DOCK5: variants seen among roughly 807,000 people sequenced by gnomAD.
DOCK5 encodes dedicator of cytokinesis protein 5.
DOCK5 carries 142 observed loss-of-function variants against 251.8 expected under a neutral mutation model. The ratio of observed to expected loss-of-function variants is 0.56; its 90% confidence interval spans 0.49 to 0.65. DOCK5 has a LOEUF of 0.65. Among genes scored for constraint, DOCK5 ranks in the 30% least tolerant of loss-of-function variants. DOCK5 has a pLI of 0.00. For missense variants in DOCK5, 2,111 were observed against 2,312.3 expected (o/e 0.91, Z 1.79); for synonymous variants, 842 against 835.5 (o/e 1.01, Z -0.13).
intron 1 of DOCK5, among the ~76,000 whole-genome samples, chr8:25,213,069 C>T (rs1802142541): frequency 5.1e-5 from 1 of 19,478 alleles, no homozygotes; most frequent in African/African-American, 7.7e-5. Flanking sequence ...GAAAAGCCCC[C>T]GTGACTGGGC....
In DOCK5 at chr8:25,400,903, C is replaced by A. The variant is rs780399970; in HGVS notation, c.4789-26C>A. 3 of 1,613,338 alleles carry A rather than the reference C, an allele frequency of 1.9e-6. No individual in the cohort carries two copies. The African/African-American group carries it at 4.0e-5, about 22-fold the overall frequency. ...CGATCCCTCTTCCTGAAGCACACTGCACTCATTTTTTGCCCTTCTTTCCAG... is the reference window on the plus strand; with the variant it reads ...CGATCCCTCTTCCTGAAGCACACTGAACTCATTTTTTGCCCTTCTTTCCAG... On this transcript the variant is annotated intron_variant, in intron 46 of 51. Transcript: ENST00000276440.
intron 2 of DOCK5, among the ~76,000 whole-genome samples, chr8:25,251,044 C>T (rs893646560): frequency 3.9e-5 from 6 of 152,180 alleles, no homozygotes; most frequent in African/African-American, 1.4e-4. Context: ...CTCCCCTCTC[C>T]TGTGATTAAC....
At chr8:25,389,267 C>G (rs373398734) in intron 41 of DOCK5, 35 bp downstream of exon 41, 85 of 1,604,752 alleles carry the variant, frequency 5.3e-5, no homozygotes, top group Non-Finnish European at 6.6e-5. Flanking sequence ...CCCCGAGGCT[C>G]TTATGGCTGT....
At chr8:25,277,961 G>A (rs936244957) in intron 4 of DOCK5, among the ~76,000 whole-genome samples, 1 of 152,148 alleles carries the variant, frequency 6.6e-6, no homozygotes. Flanking sequence ...TGCCAGAGAG[G>A]ATTTCTGTGA....
intron 1 of DOCK5, among the ~76,000 whole-genome samples, chr8:25,194,360 A>G (rs917937385): frequency 6.6e-6 from 1 of 152,152 alleles, no homozygotes; most frequent in East Asian, 1.9e-4. Context: ...TTGTTCACAT[A>G]TTGGATGCAG....
intron 13 of DOCK5, among the ~76,000 whole-genome samples, chr8:25,313,596 C>G (rs1805156268): frequency 6.6e-6 from 1 of 152,168 alleles, no homozygotes; most frequent in Non-Finnish European, 1.5e-5. Flanking sequence ...AGCAAAATAC[C>G]ACGGACTGGG....
At chr8:25,192,241 G>T (rs1441201501) in intron 1 of DOCK5, among the ~76,000 whole-genome samples, 1 of 151,940 alleles carries the variant, frequency 6.6e-6, no homozygotes, top group African/African-American at 2.4e-5. Flanking sequence ...ACATGTGCAT[G>T]TGTCTTTATA....
Position 25,296,622 on chromosome 8 carries a change from A to G in DOCK5, c.580A>G (p.Ile194Val). 1.2e-6 allele frequency: 2 copies of G among 1,612,788 alleles called. No individual in the cohort carries two copies. The highest frequency in any genetic ancestry group is 1.7e-6 in the Non-Finnish European group (2 of 1,179,422). ...GGCCCATGAGGTGGCCTCCAAAAGGATTGAGGAAAAGATCCAAGAAGAGAA... is the reference window on the plus strand; with the variant it reads ...GGCCCATGAGGTGGCCTCCAAAAGGGTTGAGGAAAAGATCCAAGAAGAGAA... ...FKAHEVASKR[I>V]EEKIQEEKSI... is the part of the protein sequence containing the mutation. The change falls in exon 7 of 52, where the codon ATT becomes GTT. Residue 194 changes from isoleucine (I) to valine (V), a missense_variant. By Grantham distance (29) the Ile-to-Val change is conservative (BLOSUM62 3). Coordinates refer to ENST00000276440, the MANE Select transcript of DOCK5 (RefSeq NM_024940.8).
intron 26 of DOCK5, among the ~76,000 whole-genome samples, chr8:25,347,134 C>T (rs1255757992): frequency 6.6e-6 from 1 of 152,230 alleles, no homozygotes; most frequent in African/African-American, 2.4e-5. Context: ...GAATACTACA[C>T]CTTTTCCCAT....
intron 28 of DOCK5, among the ~76,000 whole-genome samples, chr8:25,360,763 T>C (rs1435252198): frequency 6.6e-6 from 1 of 152,078 alleles, no homozygotes; most frequent in Non-Finnish European, 1.5e-5. Flanking sequence ...TAAAGTAAAA[T>C]TAACAATAAA....
chr8:25,379,754 A>G (rs1457352487), intron 38 of DOCK5, among the ~76,000 whole-genome samples: 2 of 152,122 alleles, frequency 1.3e-5, no homozygotes, highest in Non-Finnish European at 2.9e-5. Flanking sequence ...CCGCAGCTCC[A>G]GCCGGTCCCT....
intron 48 of DOCK5, among the ~76,000 whole-genome samples, chr8:25,405,765 C>T (rs1440394684): frequency 2.6e-5 from 4 of 151,870 alleles, no homozygotes; most frequent in African/African-American, 9.7e-5. Context: ...AATGCCTTTC[C>T]ATATGTTCAA....
At position 25,294,131 on chromosome 8, in the gene DOCK5, G is replaced by A. The variant is rs182706475; in HGVS notation, c.470+1959G>A. ...TGGAGGTCCCGTGATCTCTGGCACAGGATGTTCACACCCCACAAACGGCAG... is the reference window on the plus strand; with the variant it reads ...TGGAGGTCCCGTGATCTCTGGCACAAGATGTTCACACCCCACAAACGGCAG... On this transcript the variant is annotated intron_variant, in intron 6 of 51. Transcript: ENST00000276440. 8.6e-4 allele frequency among the ~76,000 whole-genome samples: 131 copies of A among 152,282 alleles called. 4 individuals are homozygous for A. Among genetic ancestry groups the A allele is most frequent in the Admixed American group, 7.5e-3 (115 of 15,296 alleles).
At chr8:25,239,770 A>G (rs897033864) in intron 1 of DOCK5, among the ~76,000 whole-genome samples, 1 of 152,128 alleles carries the variant, frequency 6.6e-6, no homozygotes, top group Admixed American at 6.5e-5. Flanking sequence ...CTCCTAACCT[A>G]TGTCACCAGC....
intron 23 of DOCK5, among the ~76,000 whole-genome samples, chr8:25,341,363 T>TA (rs1563207966): frequency 5.9e-5 from 9 of 152,214 alleles, no homozygotes; most frequent in African/African-American, 1.2e-4. Flanking sequence ...CATAATTTTT[T>TA]TAAAAAATAT....
intron 40 of DOCK5, 132 bp downstream of exon 40, chr8:25,382,910 A>C: frequency 1.4e-6 from 1 of 706,426 alleles, no homozygotes; most frequent in Non-Finnish European, 2.3e-6. Flanking sequence ...GAGGGAAACC[A>C]CTTCCTGAGC....
At chr8:25,321,716 C>T (rs752316275) in intron 16 of DOCK5, among the ~76,000 whole-genome samples, 2 of 152,168 alleles carry the variant, frequency 1.3e-5, no homozygotes, top group South Asian at 2.1e-4. Flanking sequence ...CGCTTACCTC[C>T]TGCTGTGTAG....
chr8:25,385,291 T>C (rs765316232), intron 40 of DOCK5, among the ~76,000 whole-genome samples: 1 of 151,738 alleles, frequency 6.6e-6, no homozygotes, highest in East Asian at 1.9e-4. Context: ...GGATGGGAGG[T>C]GCTGCAGGTA....
At chr8:25,202,020 T>A (rs536434386) in intron 1 of DOCK5, among the ~76,000 whole-genome samples, 75 of 151,976 alleles carry the variant, frequency 4.9e-4, no homozygotes, top group African/African-American at 1.6e-3. Flanking sequence ...ATATATATAT[T>A]TTTTTCTTCT....
Sources: gnomAD v4.1 joint callset for allele counts (sites outside exome capture counted in the v4.1 genomes callset) on GRCh38, gnomAD v4.1.1 for gene constraint, MANE v1.5 for transcripts, NCBI Gene and HGNC (gene_info 2026-07-23, HGNC 2026-07-21) for gene names.